Variants in RALYL observed in about 807,000 individuals in gnomAD.
RALYL encodes the protein RALY RNA binding protein like, also known as RNA-binding Raly-like protein.
In RALYL, 29 loss-of-function variants were observed where a neutral mutation model predicts 35.1. The ratio of observed to expected loss-of-function variants is 0.83; its 90% CI spans 0.61 to 1.13. The LOEUF (loss-of-function observed/expected upper bound fraction) is 1.13, where lower values mean the gene tolerates loss of function less well. Ranked by LOEUF, RALYL falls within the 50% of genes most tolerant of loss-of-function variation. RALYL has a pLI of 0.00. For missense variants in RALYL, 359 were observed against 360.4 expected (o/e 1.00, Z 0.03); for synonymous variants, 120 against 127.6 (o/e 0.94, Z 0.40).
At chr8:84,715,167 T>C (rs1033754044) in intron 2 of RALYL, among the ~76,000 whole-genome samples, 1 of 151,910 alleles carries the variant, frequency 6.6e-6, no homozygotes, top group African/African-American at 2.4e-5. Flanking sequence ...ATTGAGTAGT[T>C]CTAAATGAAT....
chr8:84,501,300 C>T (rs961178115), intron 1 of RALYL, among the ~76,000 whole-genome samples: 7 of 152,046 alleles, frequency 4.6e-5, no homozygotes, highest in African/African-American at 1.7e-4. Flanking sequence ...TTTAAAAATG[C>T]GTATTGTTTG....
chr8:84,303,167 TTA>T (rs1841145028), intron 1 of RALYL, among the ~76,000 whole-genome samples: 1 of 152,208 alleles, frequency 6.6e-6, no homozygotes, highest in African/African-American at 2.4e-5. Context: ...ATGTTAGTGT[TTA>T]TGTCTTTGTA....
intron 2 of RALYL, among the ~76,000 whole-genome samples, chr8:84,604,793 T>G (rs1004683040): frequency 1.3e-5 from 2 of 152,120 alleles, no homozygotes; most frequent in Non-Finnish European, 2.9e-5. Context: ...TTCCTGTTCT[T>G]TTTTAGAAGA....
intron 1 of RALYL, among the ~76,000 whole-genome samples, chr8:84,510,549 G>A (rs7825366): frequency 0.36 from 54,803 of 151,980 alleles, 10,072 homozygotes; most frequent in South Asian, 0.51. Flanking sequence ...GGTGGCTCAC[G>A]CATGTAATCC....
intron 4 of RALYL, chr8:84,829,483 T>G (rs1271414629): frequency 6.5e-6 from 1 of 154,764 alleles, no homozygotes; most frequent in Non-Finnish European, 1.5e-5. Context: ...GTTTCATCTT[T>G]CCAGTAAGTC....
rs541113439 is a variant in RALYL at position 84,484,317 on chromosome 8, T to C, written c.-23-44982T>C. Reference sequence around the variant, plus strand: ...CCAGGTCTTAATCTTCTCAGAGTTCTTGAAAGTAGAGTAAATTAAATAGGC... The same window carrying C: ...CCAGGTCTTAATCTTCTCAGAGTTCCTGAAAGTAGAGTAAATTAAATAGGC... On this transcript the variant is annotated intron_variant, in intron 1 of 8. Coordinates refer to ENST00000521268, the MANE Select transcript of RALYL (RefSeq NM_173848.7). Among the ~76,000 whole-genome samples, 3 of 152,254 alleles carry C rather than the reference T, an allele frequency of 2.0e-5. No individual in the cohort carries two copies. The South Asian group carries it at 6.2e-4, about 32-fold the overall frequency.
At chr8:84,756,448 C>A (rs1216055308) in intron 2 of RALYL, among the ~76,000 whole-genome samples, 2 of 152,136 alleles carry the variant, frequency 1.3e-5, no homozygotes, top group Non-Finnish European at 2.9e-5. Context: ...TAGTCACAAG[C>A]TGCTCCTACA....
intron 1 of RALYL, among the ~76,000 whole-genome samples, chr8:84,243,550 G>A (rs1828459235): frequency 7.3e-6 from 1 of 137,554 alleles, no homozygotes. Context: ...TTTTCAGAGT[G>A]GAACAATGTA....
At chr8:84,812,769 C>G (rs973879541) in intron 4 of RALYL, among the ~76,000 whole-genome samples, 8 of 152,130 alleles carry the variant, frequency 5.3e-5, no homozygotes, top group Non-Finnish European at 8.8e-5. Flanking sequence ...ACCATGCCCC[C>G]GCTAACAGCC....
At chr8:84,777,808 A>T (rs1427755018) in intron 3 of RALYL, among the ~76,000 whole-genome samples, 1 of 151,660 alleles carries the variant, frequency 6.6e-6, no homozygotes, top group Non-Finnish European at 1.5e-5. Flanking sequence ...CACCTGGCTA[A>T]TTTTTTGTAT....
chr8:84,457,099 C>T (rs912266530), intron 1 of RALYL, among the ~76,000 whole-genome samples: 6 of 151,954 alleles, frequency 3.9e-5, no homozygotes, highest in Non-Finnish European at 8.8e-5. Flanking sequence ...GCAAGCACAA[C>T]TGTAACACTT....
chr8:84,876,480 A>ATAAG (rs1841167218), intron 7 of RALYL, among the ~76,000 whole-genome samples: 1 of 152,238 alleles, frequency 6.6e-6, no homozygotes, highest in Non-Finnish European at 1.5e-5. Context: ...AGAGCCGCAT[A>ATAAG]TAAGTTGCCA....
chr8:84,308,741 AAGAC>A (rs1275642723), intron 1 of RALYL, among the ~76,000 whole-genome samples: 1 of 152,222 alleles, frequency 6.6e-6, no homozygotes, highest in Non-Finnish European at 1.5e-5. Context: ...TGTCAGAACT[AAGAC>A]AAACATCTGT....
intron 1 of RALYL, among the ~76,000 whole-genome samples, chr8:84,214,361 A>C (rs1820270737): frequency 6.6e-6 from 1 of 152,122 alleles, no homozygotes; most frequent in Admixed American, 6.6e-5. Context: ...CCTGGGATGG[A>C]ATGAGTCTGT....
intron 1 of RALYL, among the ~76,000 whole-genome samples, chr8:84,308,794 A>G (rs1209672091): frequency 2.0e-5 from 3 of 152,196 alleles, no homozygotes; most frequent in Non-Finnish European, 4.4e-5. Context: ...TTAACTATTG[A>G]AAGAAAAATG....
At chr8:84,848,515 A>G (rs1835143609) in intron 4 of RALYL, among the ~76,000 whole-genome samples, 1 of 151,980 alleles carries the variant, frequency 6.6e-6, no homozygotes, top group African/African-American at 2.4e-5. Flanking sequence ...TCTGATACAT[A>G]CTACATGGAT....
intron 1 of RALYL, among the ~76,000 whole-genome samples, chr8:84,510,084 G>A (rs990331496): frequency 6.6e-6 from 1 of 152,132 alleles, no homozygotes; most frequent in Non-Finnish European, 1.5e-5. Context: ...TGAATCTATG[G>A]ATAAAGTTGG....
chr8:84,419,977 G>A (rs1279970739), intron 1 of RALYL, among the ~76,000 whole-genome samples: 1 of 150,552 alleles, frequency 6.6e-6, no homozygotes, highest in African/African-American at 2.5e-5. Context: ...CCAAGTCTTT[G>A]CTATTGTGAA....
intron 6 of RALYL, among the ~76,000 whole-genome samples, chr8:84,869,661 G>C (rs1282776240): frequency 1.3e-5 from 2 of 152,086 alleles, no homozygotes; most frequent in African/African-American, 4.8e-5. Flanking sequence ...TCATAACAAG[G>C]AAAAATGTCT....
Sources: allele counts gnomAD v4.1 joint callset (sites outside exome capture counted in the v4.1 genomes callset), GRCh38; gene constraint gnomAD v4.1.1; transcripts MANE v1.5; gene names NCBI Gene and HGNC (gene_info 2026-07-23, HGNC 2026-07-21).